Variants in KPNA6 observed in about 807,000 individuals in gnomAD.
KPNA6 encodes importin subunit alpha-7.
A neutral mutation model predicts 72.0 loss-of-function variants in KPNA6; 9 were observed. The observed-to-expected ratio is 0.13, with a 90% CI of 0.08 to 0.22. KPNA6 has a LOEUF of 0.22. Ranked by LOEUF, KPNA6 falls within the 10% of genes least tolerant of loss-of-function variation. KPNA6 has a pLI of 1.00. For missense variants in KPNA6, 374 were observed against 655.7 expected (o/e 0.57, Z 4.69); for synonymous variants, 219 against 242.1 (o/e 0.90, Z 0.89).
At position 32,137,551 on chromosome 1, in the gene KPNA6, T is replaced by C. The variant is rs147374194; in HGVS notation, c.5-17037T>C. ...TATTTATATTTCATTGAATTTATTG[T>C]AAACGACTTCAGATTCTCTAGAAAA... On this transcript the variant is annotated intron_variant, in intron 1 of 13. Coordinates refer to ENST00000373625, the MANE Select transcript of KPNA6 (RefSeq NM_012316.5). Among the ~76,000 whole-genome samples, 7 of 152,322 alleles carry C rather than the reference T, an allele frequency of 4.6e-5. No homozygotes were observed. In the East Asian group the frequency reaches 1.3e-3, roughly 29 times the overall value.
intron 1 of KPNA6, among the ~76,000 whole-genome samples, chr1:32,114,451 A>AAAAATATATATAT (rs982175711): frequency 1.1e-4 from 16 of 145,558 alleles, no homozygotes; most frequent in African/African-American, 3.8e-4. Context: ...CAAAAAAAAA[A>AAAAATATATATAT]ATATATATAT....
chr1:32,133,420 C>A (rs1318352125), intron 1 of KPNA6, among the ~76,000 whole-genome samples: 1 of 150,396 alleles, frequency 6.6e-6, no homozygotes, highest in Middle Eastern at 3.2e-3. Context: ...GTGGTTCATA[C>A]CTGTAATCCA....
intron 1 of KPNA6, among the ~76,000 whole-genome samples, chr1:32,139,186 G>T (rs1249081127): frequency 6.6e-6 from 1 of 152,070 alleles, no homozygotes; most frequent in Non-Finnish European, 1.5e-5. Context: ...TAGATGCCGG[G>T]GATACAACAA....
At chr1:32,169,120 A>G (rs927368600) in intron 12 of KPNA6, among the ~76,000 whole-genome samples, 1 of 147,778 alleles carries the variant, frequency 6.8e-6, no homozygotes, top group African/African-American at 2.6e-5. Context: ...TAATCCCAGC[A>G]CTTTGGGGAG....
chr1:32,142,832 C>T, intron 1 of KPNA6: 1 of 651,786 alleles, frequency 1.5e-6, no homozygotes. Flanking sequence ...GCAGATGTTC[C>T]TCCTTCCAAT....
chr1:32,128,426 T>TATATATACAC (rs1491304508), intron 1 of KPNA6, among the ~76,000 whole-genome samples: 3 of 99,168 alleles, frequency 3.0e-5, no homozygotes, highest in East Asian at 6.4e-4. Flanking sequence ...TATATATATA[T>TATATATACAC]ACACACACAC....
chr1:32,132,839 C>T (rs1641663625), intron 1 of KPNA6, among the ~76,000 whole-genome samples: 1 of 152,024 alleles, frequency 6.6e-6, no homozygotes, highest in Non-Finnish European at 1.5e-5. Context: ...GGAGGCGGAG[C>T]TTGCAGTGAG....
intron 1 of KPNA6, among the ~76,000 whole-genome samples, chr1:32,120,700 G>A (rs1641417140): frequency 6.6e-6 from 1 of 150,906 alleles, no homozygotes; most frequent in Non-Finnish European, 1.5e-5. Flanking sequence ...CCAAGTAGCT[G>A]GGATTACAGG....
chr1:32,170,991 C>A lies in KPNA6; in HGVS notation c.*97C>A. The A allele has an allele frequency of 9.7e-7, 1 of 1,032,062 alleles. No homozygotes were observed. Among genetic ancestry groups the A allele is most frequent in the Non-Finnish European group, 1.5e-6 (1 of 682,348 alleles). 63.9% of individuals were successfully genotyped at this position (1,032,062 alleles called of 1,614,324 possible). On this transcript the variant is annotated 3_prime_UTR_variant, in exon 14 of 14. Transcript: ENST00000373625. Reference sequence around the variant, plus strand: ...GGAAACCAGTGTCCCCACCATCAGCCACCACACACCTCTGCTGCCCTGGAG... The same window carrying A: ...GGAAACCAGTGTCCCCACCATCAGCAACCACACACCTCTGCTGCCCTGGAG...
rs765467657 is a variant in KPNA6, at chr1:32,108,127, C to G, written c.-4C>G. ...GCCGCCAAGAGTGAGCGAGCGGACC[C>G]GCGATGGGTGAGTGAGGAAACCACG... On this transcript the variant is annotated 5_prime_UTR_variant, in exon 1 of 14. Coordinates refer to ENST00000373625, the MANE Select transcript of KPNA6 (RefSeq NM_012316.5). 1 of 1,614,036 alleles carries G rather than the reference C, an allele frequency of 6.2e-7. No homozygotes were observed. Among genetic ancestry groups the G allele is most frequent in the Non-Finnish European group, 8.5e-7 (1 of 1,179,960 alleles).
chr1:32,155,393 C>G (rs2124061703), intron 2 of KPNA6, among the ~76,000 whole-genome samples: 1 of 145,084 alleles, frequency 6.9e-6, no homozygotes, highest in South Asian at 2.2e-4. Context: ...ACGATCTCTG[C>G]TCACTGCAAC....
intron 1 of KPNA6, among the ~76,000 whole-genome samples, chr1:32,143,578 AAAAAAAAAG>A (rs1447577291): frequency 1.4e-5 from 2 of 146,662 alleles, no homozygotes; most frequent in African/African-American, 2.6e-5. Flanking sequence ...GTCTTAAAAA[AAAAAAAAAG>A]AAAAGAAAAA....
At chr1:32,142,952 C>CT in intron 1 of KPNA6, 1 of 1,289,610 alleles carries the variant, frequency 7.8e-7, no homozygotes, top group Non-Finnish European at 1.0e-6. Context: ...CCCAGCTTCA[C>CT]TGTCAGCTGT....
At chr1:32,128,387 T>TTATATATA (rs67312157) in intron 1 of KPNA6, among the ~76,000 whole-genome samples, 2,174 of 71,928 alleles carry the variant, frequency 0.03, 71 homozygotes, top group Non-Finnish European at 0.046. Flanking sequence ...ATATATGTAT[T>TTATATATA]TATATATATA....
At chr1:32,135,427 A>T (rs187133078) in intron 1 of KPNA6, among the ~76,000 whole-genome samples, 1 of 151,394 alleles carries the variant, frequency 6.6e-6, no homozygotes, top group East Asian at 1.9e-4. Context: ...CAAACTCCTG[A>T]CCTCAAGTGA....
intron 2 of KPNA6, among the ~76,000 whole-genome samples, 161 bp downstream of exon 2, chr1:32,154,882 CAGATCACCTG>C (rs1368869573): frequency 6.6e-6 from 1 of 151,940 alleles, no homozygotes; most frequent in Non-Finnish European, 1.5e-5. Flanking sequence ...CCAAGGCAGG[CAGATCACCTG>C]AGGTCAGGAG....
At chr1:32,129,513 AGTATTT>A (rs1365139893) in intron 1 of KPNA6, among the ~76,000 whole-genome samples, 2 of 151,770 alleles carry the variant, frequency 1.3e-5, no homozygotes, top group East Asian at 3.9e-4. Flanking sequence ...TCTGCATATT[AGTATTT>A]GTATCATTTG....
At position 32,173,281 on chromosome 1, in the gene KPNA6, AG is replaced by A. The variant is rs1425078097; in HGVS notation, c.*2388del. The A allele has an allele frequency of 1.0e-5, 4 of 393,510 alleles. No individual in the cohort carries two copies. The highest frequency in any genetic ancestry group is 1.8e-5 in the Non-Finnish European group (4 of 223,462). 24.4% of individuals were successfully genotyped at this position (393,510 alleles called of 1,614,324 possible). On this transcript the variant is annotated 3_prime_UTR_variant, in exon 14 of 14. Transcript: ENST00000373625. ...CTTTGTACATCTCAAGTAAGAGTTA[AG>A]TCCCTGATACAGGGACCAGTTTCTT... is the stretch of plus-strand genomic sequence containing the variant.
intron 1 of KPNA6, among the ~76,000 whole-genome samples, chr1:32,140,304 AACCC>A (rs1376123662): frequency 1.3e-4 from 20 of 152,082 alleles, no homozygotes; most frequent in African/African-American, 4.8e-4. Flanking sequence ...GAATTGCTTG[AACCC>A]AGGAGGCAGA....
Sources: gnomAD v4.1 joint callset for allele counts (sites outside exome capture counted in the v4.1 genomes callset) on GRCh38, gnomAD v4.1.1 for gene constraint, MANE v1.5 for transcripts, NCBI Gene and HGNC (gene_info 2026-07-23, HGNC 2026-07-21) for gene names.